DCAF8L1: variants seen among roughly 807,000 people sequenced by gnomAD.
DCAF8L1 encodes DDB1- and CUL4-associated factor 8-like protein 1.
For synonymous variants in DCAF8L1, 217 were observed against 186.8 expected (o/e 1.16, Z -1.32); for missense variants, 434 against 481.6 (o/e 0.90, Z 0.92).
chrX:27,978,733 A>G lies in DCAF8L1; in HGVS notation c.*799T>C. ...AGATGAATTATCTGGTTAGGAATTC[A>G]TCTACACACTACTTCTTGTTTTCCT... On this transcript the variant is annotated 3_prime_UTR_variant, in exon 1 of 1. Coordinates refer to ENST00000441525, the MANE Select transcript of DCAF8L1 (RefSeq NM_001017930.2). 2 of 442,709 alleles carry G rather than the reference A, an allele frequency of 4.5e-6. No individual in the cohort carries two copies. Among genetic ancestry groups the G allele is most frequent in the South Asian group, 1.1e-4 (2 of 18,079 alleles). 36.5% of individuals were successfully genotyped at this position (442,709 alleles called of 1,213,427 possible).
In DCAF8L1 at chrX:27,981,191, G is replaced by C. The variant is rs147579544; in HGVS notation, c.144C>G (p.Thr48=). The change falls in exon 1 of 1, where the codon ACC becomes ACG. Residue 48 remains threonine, a synonymous_variant. Coordinates refer to ENST00000441525, the MANE Select transcript of DCAF8L1 (RefSeq NM_001017930.2). ...CATCCCTGGTATCACCACCATCTCC[G>C]GTCGATGGCTCTGTGGCTGCCATTT... The part of the protein sequence containing the change: ...DIEMAATEPS[T]GDGGDTRDGG... 8 of 1,211,669 alleles carry C rather than the reference G, an allele frequency of 6.6e-6. No individual in the cohort carries two copies. The Admixed American group carries it at 1.1e-4, about 16-fold the overall frequency.
chrX:27,980,958 G>C lies in DCAF8L1; in HGVS notation c.377C>G (p.Thr126Ser), dbSNP rs202016467. 3.5e-5 allele frequency: 42 copies of C among 1,210,093 alleles called. No individual in the cohort carries two copies. Among genetic ancestry groups the C allele is most frequent in the Middle Eastern group, 2.3e-4 (1 of 4,376 alleles). The change falls in exon 1 of 1, where the codon ACC becomes AGC. Residue 126 changes from threonine (T) to serine (S), a missense_variant. Transcript: ENST00000441525. ...GTCTAACAAACACTGATCATGGTTG[G>C]TGCCACCGCATCGTGGACACATCCG... is the stretch of plus-strand genomic sequence containing the variant. ...QPRMCPRCGG[T>S]NHDQCLLDED...
At position 27,978,967 on chromosome X, in the gene DCAF8L1, G is replaced by C. The variant is rs148204863; in HGVS notation, c.*565C>G. 2.5e-3 allele frequency: 1,519 copies of C among 615,736 alleles called. 12 individuals carry two copies. In the African/African-American group the frequency reaches 0.028, roughly 11 times the overall value. 50.7% of individuals were successfully genotyped at this position (615,736 alleles called of 1,213,427 possible). On this transcript the variant is annotated 3_prime_UTR_variant, in exon 1 of 1. Coordinates refer to ENST00000441525, the MANE Select transcript of DCAF8L1 (RefSeq NM_001017930.2). The stretch of plus-strand genomic sequence containing the variant: ...AAAACCGATCATGTCCACCCACTGC[G>C]AATTGGTAAATATTGGCAGGATTCA...
At position 27,980,615 on chromosome X, in the gene DCAF8L1, A is replaced by T; in HGVS notation, c.720T>A (p.Ile240=). ...PVLNFESGHD[I]NVIQAKFFPN... is the part of the protein sequence containing the mutation. ...GAAAGAACTTAGCCTGGATGACATT[A>T]ATATCGTGACCACTCTCAAAGTTCA... Residue 240 remains isoleucine (I), a synonymous_variant, in exon 1 of 1, where the codon ATT becomes ATA. Coordinates refer to ENST00000441525, the MANE Select transcript of DCAF8L1 (RefSeq NM_001017930.2). 1 of 1,212,186 alleles carries T rather than the reference A, an allele frequency of 8.2e-7. No individual in the cohort carries two copies. Among genetic ancestry groups the T allele is most frequent in the South Asian group, 1.8e-5 (1 of 57,022 alleles).
rs747589488 is a variant in DCAF8L1 at position 27,980,376 on chromosome X, C to T, written c.959G>A (p.Arg320Gln). Residue 320 changes from arginine to glutamine, a missense_variant, in exon 1 of 1, where the codon CGG (arginine) becomes CAG (glutamine). Physicochemically the swap from Arg to Gln is conservative, Grantham distance 43. Transcript: ENST00000441525. ...TGTTACCACAACTTTTGAAGCTGGC[C>T]GGTCTTGCCTGAGGTCAATGGTGAA... ...VVFTIDLRQD[R>Q]PASKVVVTRE... is the part of the protein sequence containing the mutation. The T allele has an allele frequency of 8.3e-6, 10 of 1,211,973 alleles. No homozygotes were observed. The East Asian group carries it at 1.2e-4, about 14-fold the overall frequency.
Position 27,980,297 on chromosome X carries a change from A to G in DCAF8L1, c.1038T>C (p.Asn346=). ...GTCCACCCACTGCAAATTGGTAAAT[A>G]TTGGCAGGATTCATAGAGATTGTAT... ...GLYTISMNPA[N]IYQFAVGGHD... is the part of the protein sequence containing the mutation. The change falls in exon 1 of 1, where the codon AAT becomes AAC. Residue 346 remains asparagine, a synonymous_variant. Transcript: ENST00000441525. 8.3e-7 allele frequency: 1 copy of G among 1,211,731 alleles called. No homozygotes were observed. Among genetic ancestry groups the G allele is most frequent in the Non-Finnish European group, 1.1e-6 (1 of 895,440 alleles).
Position 27,978,966 on chromosome X carries a change from C to T in DCAF8L1, c.*566G>A, listed in dbSNP as rs1926580578. The T allele has an allele frequency of 1.4e-5, 9 of 620,970 alleles. No homozygotes were observed. Among genetic ancestry groups the T allele is most frequent in the South Asian group, 5.9e-5 (2 of 33,737 alleles). The allele number at this position is 620,970 out of a possible 1,213,427, so 51.2% of individuals were successfully genotyped here. On this transcript the variant is annotated 3_prime_UTR_variant, in exon 1 of 1. Coordinates refer to ENST00000441525, the MANE Select transcript of DCAF8L1 (RefSeq NM_001017930.2). Reference sequence around the variant, plus strand: ...AAAAACCGATCATGTCCACCCACTGCGAATTGGTAAATATTGGCAGGATTC... The same window carrying T: ...AAAAACCGATCATGTCCACCCACTGTGAATTGGTAAATATTGGCAGGATTC...
In DCAF8L1 at chrX:27,980,507, G is replaced by T. The variant is rs768724205; in HGVS notation, c.828C>A (p.Cys276Ter). 8.3e-7 allele frequency: 1 copy of T among 1,211,713 alleles called. No homozygotes were observed. Among genetic ancestry groups the T allele is most frequent in the Non-Finnish European group, 1.1e-6 (1 of 895,525 alleles). ...RVAELINASY[C>*]ENTKRVAKHR... ...GCTTGGCCACACGCTTAGTATTCTC[G>T]CAATATGATGCATTAATTAGTTCTG... The change falls in exon 1 of 1, where the codon TGC becomes TGA. Residue 276 changes from cysteine to a stop codon, truncating the protein, a stop_gained. Transcript: ENST00000441525. LOFTEE classifies it low-confidence loss of function (END_TRUNC).
Position 27,981,421 on chromosome X carries a change from C to T in DCAF8L1, c.-87G>A. ...GAAGAGAGCACGCCTGCCCCGAGGACGGACGGTCGGAGAAGGCAGTAGGTA... is the reference window on the plus strand; with the variant it reads ...GAAGAGAGCACGCCTGCCCCGAGGATGGACGGTCGGAGAAGGCAGTAGGTA... On this transcript the variant is annotated 5_prime_UTR_variant, in exon 1 of 1. Coordinates refer to ENST00000441525, the MANE Select transcript of DCAF8L1 (RefSeq NM_001017930.2). The T allele has an allele frequency of 9.0e-7, 1 of 1,113,854 alleles. No individual in the cohort carries two copies. Among genetic ancestry groups the T allele is most frequent in the Non-Finnish European group, 1.2e-6 (1 of 837,255 alleles). The allele number at this position is 1,113,854 out of a possible 1,213,427, so 91.8% of individuals were successfully genotyped here. A position where few individuals can be genotyped will look rare whatever the true frequency, so the allele number is the denominator to read the frequency against.
Position 27,978,287 on chromosome X carries a change from C to A in DCAF8L1, c.*1245G>T, listed in dbSNP as rs1296488335. On this transcript the variant is annotated 3_prime_UTR_variant, in exon 1 of 1. Coordinates refer to ENST00000441525, the MANE Select transcript of DCAF8L1 (RefSeq NM_001017930.2). ...CAACTACATCACTTGTAAGTATAAA[C>A]AATTTTTATTGCAACAATTTTCAAA... The A allele has an allele frequency of 3.6e-5, 4 of 111,085 alleles. No homozygotes were observed. Among genetic ancestry groups the A allele is most frequent in the African/African-American group, 1.3e-4 (4 of 30,442 alleles). The allele number at this position is 111,085 out of a possible 1,213,427, so 9.2% of individuals were successfully genotyped here.
chrX:27,980,565 G>A lies in DCAF8L1; in HGVS notation c.770C>T (p.Ala257Val), dbSNP rs143799037. Residue 257 changes from alanine to valine, a missense_variant, in exon 1 of 1, where the codon GCC (alanine) becomes GTC (valine). Physicochemically the swap from Ala to Val is moderately conservative, Grantham distance 64. Coordinates refer to ENST00000441525, the MANE Select transcript of DCAF8L1 (RefSeq NM_001017930.2). The part of the protein sequence containing the change: ...FFPNCGDSTL[A>V]MCGHDGQVRV... ...TACCTGTCCATCATGGCCACACATG[G>A]CCAGAGTGGAATCACCACAGTTAGG... 1.1e-4 allele frequency: 129 copies of A among 1,210,724 alleles called. No homozygotes were observed. The African/African-American group carries it at 2.1e-3, about 20-fold the overall frequency.
Position 27,979,473 on chromosome X carries a change from A to T in DCAF8L1, c.*59T>A, listed in dbSNP as rs1926589370. The T allele has an allele frequency of 5.4e-5, 61 of 1,125,101 alleles. No individual in the cohort carries two copies. Among genetic ancestry groups the T allele is most frequent in the Non-Finnish European group, 7.1e-5 (61 of 853,899 alleles). The allele number at this position is 1,125,101 out of a possible 1,213,427, so 92.7% of individuals were successfully genotyped here. On this transcript the variant is annotated 3_prime_UTR_variant, in exon 1 of 1. Transcript: ENST00000441525. ...CAATTGACAATTCTAAATTAGTCAAACTGAATTTTAAAGTCCAGTGTACTT... is the reference window on the plus strand; with the variant it reads ...CAATTGACAATTCTAAATTAGTCAATCTGAATTTTAAAGTCCAGTGTACTT...
rs137944442 is a variant in DCAF8L1, at chrX:27,980,880, C to T, written c.455G>A (p.Arg152Gln). ...AGCAGTAAGGACTTGCCAGCGAGAT[C>T]GGGGCAGGGCAGATGTCTCTGAGGA... ...WISSETSALP[R>Q]SRWQVLTALR... The change falls in exon 1 of 1, where the codon CGA becomes CAA. Residue 152 changes from arginine to glutamine, a missense_variant. Arg to Gln is a conservative substitution (Grantham distance 43). Transcript: ENST00000441525. The T allele has an allele frequency of 8.3e-4, 1,006 of 1,209,914 alleles. 6 individuals are homozygous for T. In the African/African-American group the frequency reaches 0.013, roughly 16 times the overall value.
At position 27,978,721 on chromosome X, in the gene DCAF8L1, G is replaced by T; in HGVS notation, c.*811C>A. 1 of 381,442 alleles carries T rather than the reference G, an allele frequency of 2.6e-6. No individual in the cohort carries two copies. Among genetic ancestry groups the T allele is most frequent in the South Asian group, 6.9e-5 (1 of 14,519 alleles). 31.4% of individuals were successfully genotyped at this position (381,442 alleles called of 1,213,427 possible). ...TTTGCTCTGAGGAGATGAATTATCT[G>T]GTTAGGAATTCATCTACACACTACT... On this transcript the variant is annotated 3_prime_UTR_variant, in exon 1 of 1. Transcript: ENST00000441525.
In DCAF8L1 at chrX:27,979,673, G is replaced by C; in HGVS notation, c.1662C>G (p.His554Gln). The change falls in exon 1 of 1, where the codon CAC becomes CAG. Residue 554 changes from histidine to glutamine, a missense_variant. Physicochemically the swap from His to Gln is conservative, Grantham distance 24. Coordinates refer to ENST00000441525, the MANE Select transcript of DCAF8L1 (RefSeq NM_001017930.2). Reference protein sequence around the residue: ...DNRMLRFFVRHLLQRAHQPGW... With the variant: ...DNRMLRFFVRQLLQRAHQPGW... ...CGGGTTGATGAGCTCTCTGTAACAGGTGACGCACGAAGAACCGAAGCATGC... is the reference window on the plus strand; with the variant it reads ...CGGGTTGATGAGCTCTCTGTAACAGCTGACGCACGAAGAACCGAAGCATGC... The C allele has an allele frequency of 8.3e-7, 1 of 1,211,787 alleles. No homozygotes were observed. Among genetic ancestry groups the C allele is most frequent in the South Asian group, 1.8e-5 (1 of 57,008 alleles).
Position 27,978,856 on chromosome X carries a change from A to T in DCAF8L1, c.*676T>A. 1.1e-6 allele frequency: 1 copy of T among 907,111 alleles called. No individual in the cohort carries two copies. The highest frequency in any genetic ancestry group is 1.6e-6 in the Non-Finnish European group (1 of 628,531). The allele number at this position is 907,111 out of a possible 1,213,427, so 74.8% of individuals were successfully genotyped here. On this transcript the variant is annotated 3_prime_UTR_variant, in exon 1 of 1. Coordinates refer to ENST00000441525, the MANE Select transcript of DCAF8L1 (RefSeq NM_001017930.2). ...TGCAGGTGATGTTTGTTGGAAAATC[A>T]CAATTAACCAGATGATGAAGAGTGA...
In DCAF8L1 at chrX:27,979,611, T is replaced by C; in HGVS notation, c.1724A>G (p.Glu575Gly). The C allele has an allele frequency of 5.0e-6, 6 of 1,211,833 alleles. No individual in the cohort carries two copies. Among genetic ancestry groups the C allele is most frequent in the Non-Finnish European group, 5.6e-6 (5 of 895,533 alleles). The stretch of plus-strand genomic sequence containing the variant: ...GGTGCTGGAAGACTCATCCAACTCT[T>C]CTTCATCTGGGAACTCAGCTCCATG... The part of the protein sequence containing the change: ...RDHGAEFPDE[E>G]ELDESSSTSD... The change falls in exon 1 of 1, where the codon GAA becomes GGA. Residue 575 changes from glutamate to glycine, a missense_variant. Transcript: ENST00000441525.
Position 27,979,525 on chromosome X carries a change from G to A in DCAF8L1, c.*7C>T, listed in dbSNP as rs1926590783. ...GGTGGCATCTAGCTGGACTGGATAT[G>A]AGGCCTTCAGGATGGTATGCACTGC... On this transcript the variant is annotated 3_prime_UTR_variant, in exon 1 of 1. Transcript: ENST00000441525. 4 of 1,181,327 alleles carry A rather than the reference G, an allele frequency of 3.4e-6. No homozygotes were observed. The highest frequency in any genetic ancestry group is 4.7e-5 in the Admixed American group (2 of 42,885).
rs200483414 is a variant in DCAF8L1, at chrX:27,980,959, T to C, written c.376A>G (p.Thr126Ala). The change falls in exon 1 of 1, where the codon ACC becomes GCC. Residue 126 changes from threonine (T) to alanine (A), a missense_variant. By Grantham distance (58) the Thr-to-Ala change is moderately conservative. Transcript: ENST00000441525. ...TCTAACAAACACTGATCATGGTTGG[T>C]GCCACCGCATCGTGGACACATCCGA... is the stretch of plus-strand genomic sequence containing the variant. ...QPRMCPRCGG[T>A]NHDQCLLDED... 41 of 1,210,189 alleles carry C rather than the reference T, an allele frequency of 3.4e-5. No individual in the cohort carries two copies. Among genetic ancestry groups the C allele is most frequent in the Middle Eastern group, 2.3e-4 (1 of 4,377 alleles).
Sources: allele counts gnomAD v4.1 joint callset, GRCh38; gene constraint gnomAD v4.1.1; transcripts MANE v1.5; gene names NCBI Gene and HGNC (gene_info 2026-07-23, HGNC 2026-07-21).